Variants in LRRIQ1 observed in about 807,000 individuals in gnomAD.
LRRIQ1 encodes the protein leucine-rich repeat- and IQ domain-containing protein 1.
Under a neutral mutation model 211.9 loss-of-function variants are expected in LRRIQ1, and 210 were observed. The observed-to-expected ratio is 0.99, with a 90% CI of 0.89 to 1.11. LRRIQ1 has a LOEUF of 1.11. Among genes scored for constraint, LRRIQ1 ranks in the 50% most tolerant of loss-of-function variants. LRRIQ1 has a pLI of 0.00. For synonymous variants in LRRIQ1, 699 were observed against 650.1 expected (o/e 1.08, Z -1.14); for missense variants, 2,136 against 1,939.5 (o/e 1.10, Z -1.90).
chr12:85,127,768 T>C, intron 17 of LRRIQ1, 64 bp from the exon 18 acceptor site: 3 of 1,407,084 alleles, frequency 2.1e-6, no homozygotes, highest in Middle Eastern at 1.8e-4. Context: ...GAGGACCTTT[T>C]ATCTACAACT....
intron 1 of LRRIQ1, among the ~76,000 whole-genome samples, chr12:85,251,611 A>G (rs1565929249): frequency 6.6e-6 from 1 of 151,952 alleles, no homozygotes; most frequent in Non-Finnish European, 1.5e-5. Context: ...GGCATAGTGG[A>G]AAGAAATTTG....
chr12:85,197,888 A>G (rs1251033241), intron 24 of LRRIQ1, among the ~76,000 whole-genome samples: 2 of 130,160 alleles, frequency 1.5e-5, no homozygotes, highest in African/African-American at 2.9e-5. Flanking sequence ...AATAAAACAT[A>G]ATAAAAATAT....
chr12:85,092,325 T>C (rs1885474121), intron 11 of LRRIQ1, among the ~76,000 whole-genome samples: 1 of 152,178 alleles, frequency 6.6e-6, no homozygotes, highest in African/African-American at 2.4e-5. Context: ...ACACTTATTT[T>C]AGTCTGTGTG....
intron 24 of LRRIQ1, among the ~76,000 whole-genome samples, chr12:85,198,041 AT>A (rs1893066585): frequency 6.4e-5 from 2 of 31,144 alleles, no homozygotes; most frequent in African/African-American, 9.3e-4. Flanking sequence ...AACATATATA[AT>A]ATATTATATA....
intron 1 of LRRIQ1, among the ~76,000 whole-genome samples, chr12:85,251,113 C>T (rs1157872587): frequency 6.8e-6 from 1 of 146,938 alleles, no homozygotes; most frequent in East Asian, 2.0e-4. Context: ...GTAATTTGGA[C>T]TCAATTTTCT....
chr12:85,229,934 G>GT (rs1247895015), intron 25 of LRRIQ1, among the ~76,000 whole-genome samples: 2 of 152,120 alleles, frequency 1.3e-5, no homozygotes, highest in East Asian at 3.8e-4. Flanking sequence ...TTCATTAAAT[G>GT]TTTTTAGATA....
At chr12:85,127,198 G>T (rs368140178) in intron 17 of LRRIQ1, among the ~76,000 whole-genome samples, 1 of 152,196 alleles carries the variant, frequency 6.6e-6, no homozygotes, top group East Asian at 1.9e-4. Flanking sequence ...ATCACGTTTT[G>T]CTAATGTTGC....
chr12:85,218,221 G>T (rs1592986460), intron 24 of LRRIQ1, among the ~76,000 whole-genome samples: 1 of 151,754 alleles, frequency 6.6e-6, no homozygotes, highest in Non-Finnish European at 1.5e-5. Flanking sequence ...TTCTGGTAAG[G>T]AGTACTTCCT....
At chr12:85,085,213 TTTAA>T (rs759845383) in intron 11 of LRRIQ1, among the ~76,000 whole-genome samples, 5 of 151,440 alleles carry the variant, frequency 3.3e-5, no homozygotes, top group Non-Finnish European at 5.9e-5. Context: ...AGGGAAGAGG[TTTAA>T]TTGATTCGCA....
chr12:85,146,259 G>C (rs536557259), intron 19 of LRRIQ1, among the ~76,000 whole-genome samples: 2 of 151,692 alleles, frequency 1.3e-5, no homozygotes, highest in Non-Finnish European at 3.0e-5. Flanking sequence ...ACACTTAAAA[G>C]TATGTTATGA....
chr12:85,157,271 A>G (rs1890603769), intron 23 of LRRIQ1, among the ~76,000 whole-genome samples: 1 of 151,914 alleles, frequency 6.6e-6, no homozygotes, highest in Non-Finnish European at 1.5e-5. Context: ...AAGTGAGACC[A>G]TCTGATTAAA....
intron 24 of LRRIQ1, among the ~76,000 whole-genome samples, chr12:85,217,651 T>C (rs958911958): frequency 7.2e-5 from 10 of 139,782 alleles, no homozygotes; most frequent in African/African-American, 2.3e-4. Flanking sequence ...TATATGTGTA[T>C]ATGTATATAT....
intron 18 of LRRIQ1, among the ~76,000 whole-genome samples, chr12:85,135,637 A>G (rs11116723): frequency 0.22 from 33,260 of 151,848 alleles, 4,303 homozygotes; most frequent in Admixed American, 0.31. Flanking sequence ...GTCTCCTAGC[A>G]TTCTCCAAAG....
intron 15 of LRRIQ1, among the ~76,000 whole-genome samples, chr12:85,111,738 G>A (rs1263300866): frequency 2.6e-5 from 4 of 152,018 alleles, no homozygotes; most frequent in Non-Finnish European, 5.9e-5. Flanking sequence ...CCAGAAATAA[G>A]CATTTTGGGA....
At chr12:85,052,663 T>C (rs1323614742) in intron 7 of LRRIQ1, among the ~76,000 whole-genome samples, 2 of 152,136 alleles carry the variant, frequency 1.3e-5, no homozygotes, top group African/African-American at 4.8e-5. Context: ...TATACAATTA[T>C]TTTAAGTAAT....
chr12:85,071,334 C>CT (rs962122726), intron 10 of LRRIQ1, among the ~76,000 whole-genome samples: 4 of 151,818 alleles, frequency 2.6e-5, no homozygotes, highest in Admixed American at 2.6e-4. Flanking sequence ...CTTTGTCTTG[C>CT]TTTTTTTACT....
At position 85,056,057 on chromosome 12, in the gene LRRIQ1, A is replaced by G; in HGVS notation, c.1264A>G (p.Ile422Val). 6.3e-7 allele frequency: 1 copy of G among 1,597,250 alleles called. No homozygotes were observed. The highest frequency in any genetic ancestry group is 8.5e-7 in the Non-Finnish European group (1 of 1,175,522). ...AGATATTTCAAATGATAAGGGTGAT[A>G]TAGCCAAAAATCTAGTGGATGAAAA... Reference protein sequence around the residue: ...LEDISNDKGDIAKNLVDENSK... With the variant: ...LEDISNDKGDVAKNLVDENSK... Residue 422 changes from isoleucine (I) to valine (V), a missense_variant, in exon 8 of 27, where the codon ATA (isoleucine) becomes GTA (valine). By Grantham distance (29) the Ile-to-Val change is conservative (BLOSUM62 3). Transcript: ENST00000393217.
At chr12:85,231,760 C>T (rs1359381893) in intron 25 of LRRIQ1, among the ~76,000 whole-genome samples, 1 of 152,112 alleles carries the variant, frequency 6.6e-6, no homozygotes, top group Non-Finnish European at 1.5e-5. Flanking sequence ...AGAACAAGAA[C>T]GAACTCACTG....
chr12:85,132,184 C>T (rs1027462703), intron 18 of LRRIQ1, among the ~76,000 whole-genome samples: 1 of 151,946 alleles, frequency 6.6e-6, no homozygotes, highest in African/African-American at 2.4e-5. Flanking sequence ...GTTGCCCTTG[C>T]CAGCTTCTTT....
Sources: allele counts gnomAD v4.1 joint callset (sites outside exome capture counted in the v4.1 genomes callset), GRCh38; gene constraint gnomAD v4.1.1; transcripts MANE v1.5; gene names NCBI Gene and HGNC (gene_info 2026-07-23, HGNC 2026-07-21).